MAGI2: variants seen among roughly 807,000 people sequenced by gnomAD.
MAGI2 encodes the protein membrane associated guanylate kinase, WW and PDZ domain containing 2.
Under a neutral mutation model 133.3 loss-of-function variants are expected in MAGI2, and 35 were observed. That is an observed-to-expected ratio of 0.26 (90% CI 0.20 to 0.35). The LOEUF (loss-of-function observed/expected upper bound fraction) is 0.35, where lower values mean the gene tolerates loss of function less well. Ranked by LOEUF, MAGI2 falls within the 10% of genes least tolerant of loss-of-function variation. MAGI2 has a pLI of 1.00. For synonymous variants in MAGI2, 729 were observed against 710.6 expected, an observed-to-expected ratio of 1.03 and a Z score of -0.41; for missense variants, 1,636 against 1,863.4, an observed-to-expected ratio of 0.88 and a Z score of 2.25.
At chr7:78,471,969 C>T (rs1388728191) in intron 6 of MAGI2, among the ~76,000 whole-genome samples, 2 of 151,934 alleles carry the variant, frequency 1.3e-5, no homozygotes, top group African/African-American at 2.4e-5. Context: ...TTCACACACT[C>T]AGTAAGTGGC....
At chr7:79,153,884 T>C (rs2129547186) in intron 1 of MAGI2, among the ~76,000 whole-genome samples, 1 of 152,262 alleles carries the variant, frequency 6.6e-6, no homozygotes, top group East Asian at 1.9e-4. Context: ...AGTCCTGGCA[T>C]TTTCCACACC....
chr7:78,676,948 A>G (rs1310271549), intron 2 of MAGI2, among the ~76,000 whole-genome samples: 1 of 152,172 alleles, frequency 6.6e-6, no homozygotes, highest in Non-Finnish European at 1.5e-5. Flanking sequence ...AGTACTCATG[A>G]CAGGGGATGA....
chr7:78,911,810 C>T (rs1395611220), intron 2 of MAGI2, among the ~76,000 whole-genome samples: 1 of 151,906 alleles, frequency 6.6e-6, no homozygotes, highest in Non-Finnish European at 1.5e-5. Flanking sequence ...AGGTATTAAG[C>T]CCAGTACCCA....
At chr7:78,578,524 C>T (rs1450648457) in intron 3 of MAGI2, among the ~76,000 whole-genome samples, 1 of 151,964 alleles carries the variant, frequency 6.6e-6, no homozygotes, top group Non-Finnish European at 1.5e-5. Flanking sequence ...AGAGGAAGAA[C>T]TGAGGAGTGA....
intron 2 of MAGI2, among the ~76,000 whole-genome samples, chr7:79,004,464 G>A (rs912194549): frequency 6.6e-6 from 1 of 152,102 alleles, no homozygotes; most frequent in African/African-American, 2.4e-5. Flanking sequence ...GTGAGGAATT[G>A]GGAATGAAGA....
intron 2 of MAGI2, among the ~76,000 whole-genome samples, chr7:78,736,462 G>A (rs1284600744): frequency 6.6e-6 from 1 of 152,116 alleles, no homozygotes; most frequent in African/African-American, 2.4e-5. Context: ...CAAACAATAT[G>A]CAATGCATAT....
At chr7:78,203,785 T>A (rs1197825230) in intron 10 of MAGI2, among the ~76,000 whole-genome samples, 2 of 152,230 alleles carry the variant, frequency 1.3e-5, no homozygotes, top group Non-Finnish European at 1.5e-5. Context: ...AACATTTAAA[T>A]TAAGATGAAT....
At chr7:78,066,619 T>C (rs973760534) in intron 21 of MAGI2, among the ~76,000 whole-genome samples, 2 of 152,202 alleles carry the variant, frequency 1.3e-5, no homozygotes, top group Non-Finnish European at 2.9e-5. Context: ...CGTGGTGGTC[T>C]TGGTCTGAAT....
At chr7:79,222,272 G>C (rs1830497149) in intron 1 of MAGI2, among the ~76,000 whole-genome samples, 1 of 151,964 alleles carries the variant, frequency 6.6e-6, no homozygotes, top group Admixed American at 6.5e-5. Flanking sequence ...GGTAGCCAAA[G>C]TGTCAATATT....
chr7:78,586,781 G>C (rs1460056655), intron 3 of MAGI2, among the ~76,000 whole-genome samples: 1 of 152,110 alleles, frequency 6.6e-6, no homozygotes, highest in African/African-American at 2.4e-5. Flanking sequence ...TTCTGTCTAT[G>C]AATCTGACCA....
chr7:78,227,071 G>T (rs1375266934), intron 10 of MAGI2, among the ~76,000 whole-genome samples: 1 of 152,172 alleles, frequency 6.6e-6, no homozygotes, highest in Non-Finnish European at 1.5e-5. Context: ...ATCTATTCAA[G>T]GCTTCCACCC....
intron 6 of MAGI2, among the ~76,000 whole-genome samples, chr7:78,461,710 G>A (rs376882728): frequency 1.3e-5 from 2 of 151,596 alleles, no homozygotes; most frequent in African/African-American, 4.8e-5. Flanking sequence ...TCGGGAGTCC[G>A]AGAGCAGCCT....
chr7:78,667,386 TAA>T (rs1813728017), intron 2 of MAGI2, among the ~76,000 whole-genome samples: 2 of 151,432 alleles, frequency 1.3e-5, no homozygotes, highest in African/African-American at 4.8e-5. Flanking sequence ...TTTAATTTTT[TAA>T]AAAATTTTAT....
intron 2 of MAGI2, chr7:78,771,292 T>G (rs1825568122): frequency 1.3e-5 from 2 of 152,110 alleles, no homozygotes; most frequent in Admixed American, 1.3e-4. Context: ...CACAAGAACC[T>G]GTGTTATCTA....
intron 1 of MAGI2, among the ~76,000 whole-genome samples, chr7:79,268,590 A>AT (rs1834646628): frequency 6.6e-6 from 1 of 152,160 alleles, no homozygotes; most frequent in Non-Finnish European, 1.5e-5. Context: ...TTAATTTGGG[A>AT]TTTTTTAAAG....
At position 78,693,655 on chromosome 7, in the gene MAGI2, T is replaced by C. The variant is rs73380281; in HGVS notation, c.419-66416A>G. Among the ~76,000 whole-genome samples the C allele has an allele frequency of 8.2e-3, 1,246 of 152,298 alleles. 24 individuals carry two copies. Among genetic ancestry groups the C allele is most frequent in the African/African-American group, 0.028 (1,184 of 41,564 alleles). ...TCTTTGGGTAGATGAGATTGTTGCC[T>C]TCTGCCTTTGGATTGTTTCCCCAAA... On this transcript the variant is annotated intron_variant, in intron 2 of 21. Coordinates refer to ENST00000354212, the MANE Select transcript of MAGI2 (RefSeq NM_012301.4).
chr7:78,850,491 G>A (rs1793039971), intron 2 of MAGI2, among the ~76,000 whole-genome samples: 1 of 152,136 alleles, frequency 6.6e-6, no homozygotes, highest in East Asian at 1.9e-4. Flanking sequence ...GCAGCTGACA[G>A]CTGGCTAACT....
At chr7:78,671,789 C>G (rs1814421364) in intron 2 of MAGI2, among the ~76,000 whole-genome samples, 1 of 151,946 alleles carries the variant, frequency 6.6e-6, no homozygotes, top group Admixed American at 6.6e-5. Context: ...TTTTCTTTAC[C>G]AAGTCTGTGA....
At chr7:78,579,359 C>A (rs936551533) in intron 3 of MAGI2, among the ~76,000 whole-genome samples, 17 of 152,074 alleles carry the variant, frequency 1.1e-4, no homozygotes, top group Admixed American at 5.2e-4. Flanking sequence ...ATATACCTCC[C>A]CAAAATATGA....
Sources: allele counts gnomAD v4.1 joint callset (sites outside exome capture counted in the v4.1 genomes callset), GRCh38; gene constraint gnomAD v4.1.1; transcripts MANE v1.5; gene names NCBI Gene and HGNC (gene_info 2026-07-23, HGNC 2026-07-21).